MARK1: variants seen among roughly 807,000 people sequenced by gnomAD.
MARK1 encodes the protein microtubule affinity regulating kinase 1.
MARK1 carries 40 observed loss-of-function variants against 96.3 expected under a neutral mutation model. That is an observed-to-expected ratio of 0.42 (90% CI 0.32 to 0.54). The LOEUF (loss-of-function observed/expected upper bound fraction) is 0.54, where lower values mean the gene tolerates loss of function less well. Among genes scored for constraint, MARK1 ranks in the 20% least tolerant of loss-of-function variants. The pLI is 0.16. For missense variants in MARK1, 719 were observed against 984.6 expected, an observed-to-expected ratio of 0.73 and a Z score of 3.61; for synonymous variants, 317 against 341.2, an observed-to-expected ratio of 0.93 and a Z score of 0.78.
intron 3 of MARK1, among the ~76,000 whole-genome samples, chr1:220,586,011 A>ACACG (rs112968910): frequency 1.5e-4 from 23 of 148,636 alleles, no homozygotes; most frequent in African/African-American, 4.9e-4. Flanking sequence ...ACACACACAC[A>ACACG]CGCGCGCGTG....
At chr1:220,536,190 G>A (rs1248658644) in intron 1 of MARK1, among the ~76,000 whole-genome samples, 1 of 151,984 alleles carries the variant, frequency 6.6e-6, no homozygotes, top group African/African-American at 2.4e-5. Context: ...CGGCATATAA[G>A]ATAATCTCGT....
chr1:220,660,676 A>G (rs888520709), intron 17 of MARK1, among the ~76,000 whole-genome samples: 2 of 152,222 alleles, frequency 1.3e-5, no homozygotes, highest in African/African-American at 4.8e-5. Context: ...TGATGAAGCT[A>G]TGAAGGTTTC....
intron 13 of MARK1, among the ~76,000 whole-genome samples, chr1:220,645,346 C>T (rs913938730): frequency 6.6e-5 from 10 of 152,142 alleles, no homozygotes; most frequent in African/African-American, 2.2e-4. Context: ...GACACATACA[C>T]CCTCCCAAGA....
intron 1 of MARK1, among the ~76,000 whole-genome samples, chr1:220,575,301 T>C (rs1439769189): frequency 6.6e-6 from 1 of 152,228 alleles, no homozygotes; most frequent in Non-Finnish European, 1.5e-5. Flanking sequence ...GGATTGGAAC[T>C]TGTGTTTTCA....
chr1:220,569,343 GT>G (rs1206935717), intron 1 of MARK1, among the ~76,000 whole-genome samples: 1 of 151,938 alleles, frequency 6.6e-6, no homozygotes, highest in African/African-American at 2.4e-5. Flanking sequence ...TATAAGGAGA[GT>G]TTTTTAAAAA....
intron 6 of MARK1, among the ~76,000 whole-genome samples, chr1:220,611,584 A>G (rs1177674874): frequency 6.6e-6 from 1 of 152,192 alleles, no homozygotes; most frequent in Non-Finnish European, 1.5e-5. Flanking sequence ...AGCCAGTCCC[A>G]GTGAGATGAA....
intron 1 of MARK1, among the ~76,000 whole-genome samples, chr1:220,577,966 A>G (rs1663986306): frequency 1.3e-5 from 2 of 152,328 alleles, no homozygotes; most frequent in African/African-American, 2.4e-5. Flanking sequence ...AAAAATTATC[A>G]TAAAATAAAA....
chr1:220,537,699 AC>A (rs978798672), intron 1 of MARK1, among the ~76,000 whole-genome samples: 5 of 147,746 alleles, frequency 3.4e-5, no homozygotes, highest in African/African-American at 1.2e-4. Context: ...TTACAGTCCC[AC>A]CAACAGTGTA....
chr1:220,552,750 T>A (rs940862655), intron 1 of MARK1, among the ~76,000 whole-genome samples: 2 of 152,130 alleles, frequency 1.3e-5, no homozygotes, highest in African/African-American at 4.8e-5. Context: ...TCTGTTCCAA[T>A]GAGAATAGAC....
intron 3 of MARK1, among the ~76,000 whole-genome samples, chr1:220,583,414 G>A (rs554203356): frequency 6.6e-6 from 1 of 152,220 alleles, no homozygotes; most frequent in African/African-American, 2.4e-5. Context: ...GTTCTTAAAC[G>A]TGTTTGGTTT....
rs754214952 is a variant in MARK1, at chr1:220,661,808, C to A, written c.2034-4C>A. The A allele has an allele frequency of 1.0e-5, 16 of 1,591,514 alleles. No homozygotes were observed. In the South Asian group the frequency reaches 1.8e-4, roughly 18 times the overall value. ...CATTCTTTCCCTTTGCCCTCTTGTTCCAGAAGTACATCAGGGGAACCAAAA... is the reference window on the plus strand; with the variant it reads ...CATTCTTTCCCTTTGCCCTCTTGTTACAGAAGTACATCAGGGGAACCAAAA... On this transcript the variant is annotated splice_region_variant and splice_polypyrimidine_tract_variant and intron_variant, in intron 17 of 17. Transcript: ENST00000366917.
chr1:220,590,239 A>G (rs953699884), intron 3 of MARK1, among the ~76,000 whole-genome samples: 1 of 152,198 alleles, frequency 6.6e-6, no homozygotes, highest in Non-Finnish European at 1.5e-5. Flanking sequence ...AAGATGTGGT[A>G]CTTTTCAATT....
intron 6 of MARK1, among the ~76,000 whole-genome samples, chr1:220,611,685 T>C (rs1666452897): frequency 6.6e-6 from 1 of 152,186 alleles, no homozygotes. Flanking sequence ...TGTTCGGCCT[T>C]CTTGGAATGT....
chr1:220,655,333 C>G (rs1349223086), intron 16 of MARK1, among the ~76,000 whole-genome samples: 1 of 152,204 alleles, frequency 6.6e-6, no homozygotes, highest in Non-Finnish European at 1.5e-5. Context: ...AACTGTATCT[C>G]TAGCGCACAT....
chr1:220,651,193 CAT>C (rs1382454304), intron 14 of MARK1, among the ~76,000 whole-genome samples: 1 of 151,928 alleles, frequency 6.6e-6, no homozygotes, highest in Non-Finnish European at 1.5e-5. Context: ...AATAATAAAT[CAT>C]ATTATTTTTA....
intron 5 of MARK1, among the ~76,000 whole-genome samples, chr1:220,603,782 G>A (rs1357720250): frequency 1.3e-5 from 2 of 152,046 alleles, no homozygotes; most frequent in East Asian, 1.9e-4. Context: ...AGAGTTGACT[G>A]TATTTTTACA....
At chr1:220,582,502 T>C (rs533351169) in intron 3 of MARK1, among the ~76,000 whole-genome samples, 3 of 152,288 alleles carry the variant, frequency 2.0e-5, no homozygotes, top group South Asian at 4.2e-4. Flanking sequence ...AACTGGGTAA[T>C]TGTACACAGT....
chr1:220,635,324 C>CTTTTTTT, intron 11 of MARK1, 52 bp from the exon 12 acceptor site: 1 of 1,154,228 alleles, frequency 8.7e-7, no homozygotes, highest in Non-Finnish European at 1.1e-6. Context: ...TTTGTGCAAA[C>CTTTTTTT]TTTTTTTTTT....
At position 220,652,128 on chromosome 1, in the gene MARK1, G is replaced by A. The variant is rs1158693975; in HGVS notation, c.1714G>A (p.Gly572Ser). ...IKVTLPTIKDGSEAYRPGTTQ... is the reference protein window; with the variant it reads ...IKVTLPTIKDSSEAYRPGTTQ... ...AGTCACACTGCCAACCATTAAAGAC[G>A]GCTCTGAAGCTTACCGGCCTGGGTA... Residue 572 changes from glycine to serine, a missense_variant, in exon 15 of 18, where the codon GGC (glycine) becomes AGC (serine). Around this residue, in one of 4 missense-constraint regions of MARK1, gnomAD observed 501 missense variants for 588.3 expected, o/e 0.85. Transcript: ENST00000366917. 1.9e-5 allele frequency: 31 copies of A among 1,609,628 alleles called. No individual in the cohort carries two copies. The highest frequency in any genetic ancestry group is 2.5e-5 in the Non-Finnish European group (29 of 1,176,566).
Sources: gnomAD v4.1 joint callset for allele counts (sites outside exome capture counted in the v4.1 genomes callset) on GRCh38, gnomAD v4.1.1 for gene constraint, gnomAD v4.1.1 regional missense constraint, MANE v1.5 for transcripts, NCBI Gene and HGNC (gene_info 2026-07-23, HGNC 2026-07-21) for gene names.